TMEM132D: variants seen among roughly 807,000 people sequenced by gnomAD.
TMEM132D encodes the protein transmembrane protein 132D.
A neutral mutation model predicts 62.3 loss-of-function variants in TMEM132D; 21 were observed. The ratio of observed to expected loss-of-function variants is 0.34; its 90% CI spans 0.24 to 0.49. The LOEUF is 0.49. TMEM132D is among the 20% of genes least tolerant of loss of function. The pLI is 0.99. For synonymous variants in TMEM132D, 621 were observed against 575.6 expected (o/e 1.08, Z -1.13); for missense variants, 1,346 against 1,402.8 (o/e 0.96, Z 0.65).
At chr12:129,709,912 T>C (rs1358962454) in intron 1 of TMEM132D, among the ~76,000 whole-genome samples, 3 of 152,216 alleles carry the variant, frequency 2.0e-5, no homozygotes, top group Non-Finnish European at 4.4e-5. Context: ...TTGTAATCTC[T>C]TAGAATTTTT....
intron 5 of TMEM132D, among the ~76,000 whole-genome samples, chr12:129,188,202 C>T (rs982873825): frequency 2.0e-5 from 3 of 152,160 alleles, no homozygotes; most frequent in Admixed American, 2.0e-4. Flanking sequence ...AGACAAGGCC[C>T]CACAAGCCTA....
chr12:129,530,186 T>C (rs1466276609), intron 3 of TMEM132D, among the ~76,000 whole-genome samples: 1 of 152,284 alleles, frequency 6.6e-6, no homozygotes, highest in Non-Finnish European at 1.5e-5. Flanking sequence ...ATCATAATAG[T>C]TATCAGCTGA....
intron 4 of TMEM132D, among the ~76,000 whole-genome samples, chr12:129,239,840 C>T (rs1370813460): frequency 1.3e-5 from 2 of 152,188 alleles, no homozygotes; most frequent in East Asian, 1.9e-4. Context: ...CTTTACAATG[C>T]TTCAAGTGAT....
chr12:129,627,451 C>T (rs1363438357), intron 2 of TMEM132D, among the ~76,000 whole-genome samples: 1 of 152,092 alleles, frequency 6.6e-6, no homozygotes, highest in East Asian at 1.9e-4. Flanking sequence ...AAGTATACTC[C>T]GTGATGTCTG....
rs574672754 is a variant in TMEM132D, at chr12:129,520,151, C to T, written c.1115+10908G>A. On this transcript the variant is annotated intron_variant, in intron 3 of 8. Transcript: ENST00000422113. ...ATTTTTGGTGGGTGTTTAAGCAGAA[C>T]AGACATTAAATAATCTTAGGGCCTC... Among the ~76,000 whole-genome samples, 12 of 152,242 alleles carry T rather than the reference C, an allele frequency of 7.9e-5. No individual in the cohort carries two copies. In the South Asian group the frequency reaches 2.5e-3, roughly 32 times the overall value.
chr12:129,356,984 C>T (rs1033087152), intron 3 of TMEM132D, among the ~76,000 whole-genome samples: 1 of 145,666 alleles, frequency 6.9e-6, no homozygotes, highest in Admixed American at 7.0e-5. Context: ...TGATGGCTCA[C>T]GTCTGTAATC....
chr12:129,491,340 C>T (rs1354891360), intron 3 of TMEM132D, among the ~76,000 whole-genome samples: 2 of 152,232 alleles, frequency 1.3e-5, no homozygotes, highest in African/African-American at 4.8e-5. Context: ...TTCACCAACA[C>T]TGTTTGGCTG....
intron 3 of TMEM132D, among the ~76,000 whole-genome samples, chr12:129,343,621 T>C (rs1258024722): frequency 2.6e-5 from 4 of 152,034 alleles, no homozygotes; most frequent in Non-Finnish European, 1.5e-5. Flanking sequence ...GTTTTACCGA[T>C]AATAATGTTG....
chr12:129,134,041 G>A (rs1876461731), intron 5 of TMEM132D, among the ~76,000 whole-genome samples: 1 of 151,928 alleles, frequency 6.6e-6, no homozygotes, highest in African/African-American at 2.4e-5. Context: ...AGCAATACCT[G>A]AAGCTCATAG....
chr12:129,169,779 G>A (rs1463204874), intron 5 of TMEM132D, among the ~76,000 whole-genome samples: 1 of 152,134 alleles, frequency 6.6e-6, no homozygotes, highest in African/African-American at 2.4e-5. Context: ...GAGCATCTGT[G>A]TATAACATCT....
At chr12:129,093,155 T>C (rs1051410325) in intron 5 of TMEM132D, among the ~76,000 whole-genome samples, 2 of 152,184 alleles carry the variant, frequency 1.3e-5, no homozygotes, top group African/African-American at 4.8e-5. Flanking sequence ...ATGCCACAGA[T>C]GGGCTTCGGG....
chr12:129,267,816 G>T (rs1386877565), intron 4 of TMEM132D, among the ~76,000 whole-genome samples: 1 of 152,154 alleles, frequency 6.6e-6, no homozygotes, highest in Non-Finnish European at 1.5e-5. Context: ...AAACAGCATG[G>T]TACTGGTACC....
At chr12:129,557,442 C>T (rs1270826296) in intron 2 of TMEM132D, among the ~76,000 whole-genome samples, 3 of 152,150 alleles carry the variant, frequency 2.0e-5, no homozygotes, top group Non-Finnish European at 4.4e-5. Flanking sequence ...TGGCCGGGTG[C>T]CATGGCTCAC....
At chr12:129,845,195 G>A (rs1294436677) in intron 1 of TMEM132D, among the ~76,000 whole-genome samples, 1 of 152,208 alleles carries the variant, frequency 6.6e-6, no homozygotes, top group African/African-American at 2.4e-5. Flanking sequence ...TTTAAAATAC[G>A]CATACCAAGT....
intron 1 of TMEM132D, among the ~76,000 whole-genome samples, chr12:129,755,318 G>A (rs1870130472): frequency 6.6e-6 from 1 of 152,180 alleles, no homozygotes; most frequent in South Asian, 2.1e-4. Context: ...TAATGAATAA[G>A]GTGCATAAAA....
At chr12:129,436,891 T>G (rs906965538) in intron 3 of TMEM132D, among the ~76,000 whole-genome samples, 2 of 152,156 alleles carry the variant, frequency 1.3e-5, no homozygotes, top group Non-Finnish European at 2.9e-5. Context: ...ATTTAAAAAG[T>G]CTTCATTTTT....
rs1190306827 is a variant in TMEM132D at position 129,159,771 on chromosome 12, AAAAAAAG to A, written c.1443+49742_1443+49748del. 3.4e-5 allele frequency among the ~76,000 whole-genome samples: 5 copies of A among 147,738 alleles called. 1 individual carries two copies. Among genetic ancestry groups the A allele is most frequent in the African/African-American group, 5.0e-5 (2 of 40,396 alleles). On this transcript the variant is annotated intron_variant, in intron 5 of 8. Transcript: ENST00000422113. Reference sequence around the variant, plus strand: ...GAGACTCGGGCTCAAAAAAAAAAAAAAAAAAAGAAAGAAAATTGATAAGACAAGAGTA... The same window carrying A: ...GAGACTCGGGCTCAAAAAAAAAAAAAAAAGAAAATTGATAAGACAAGAGTA...
At chr12:129,322,969 G>A (rs1456362605) in intron 4 of TMEM132D, among the ~76,000 whole-genome samples, 1 of 152,084 alleles carries the variant, frequency 6.6e-6, no homozygotes, top group African/African-American at 2.4e-5. Context: ...TCATGAGGAC[G>A]AATAGGCTCC....
chr12:129,726,517 C>T (rs542430505), intron 1 of TMEM132D, among the ~76,000 whole-genome samples: 111 of 152,196 alleles, frequency 7.3e-4, no homozygotes, highest in Admixed American at 2.2e-3. Flanking sequence ...GGGTCAGAGA[C>T]ATGGTCATGG....
Sources: allele counts gnomAD v4.1 joint callset (sites outside exome capture counted in the v4.1 genomes callset), GRCh38; gene constraint gnomAD v4.1.1; transcripts MANE v1.5; gene names NCBI Gene and HGNC (gene_info 2026-07-23, HGNC 2026-07-21).